Variants in PCDHA10 observed in about 807,000 individuals in gnomAD.
PCDHA10 encodes the protein protocadherin alpha-10.
A neutral mutation model predicts 61.2 loss-of-function variants in PCDHA10; 45 were observed. The observed-to-expected ratio is 0.74, with a 90% CI of 0.58 to 0.94. The LOEUF (loss-of-function observed/expected upper bound fraction) is 0.94, where lower values mean the gene tolerates loss of function less well. Among genes scored for constraint, PCDHA10 ranks in the 40% least tolerant of loss-of-function variants. PCDHA10 has a pLI of 0.00. For synonymous variants in PCDHA10, 602 were observed against 548.8 expected, an observed-to-expected ratio of 1.10 and a Z score of -1.35; for missense variants, 1,278 against 1,236.2, an observed-to-expected ratio of 1.03 and a Z score of -0.51.
At chr5:140,911,250 A>G (rs1165718759) in intron 1 of PCDHA10, among the ~76,000 whole-genome samples, 1 of 152,166 alleles carries the variant, frequency 6.6e-6, no homozygotes. Context: ...AAGTTTCATC[A>G]GAATTTATAA....
intron 1 of PCDHA10, among the ~76,000 whole-genome samples, chr5:140,899,629 G>T (rs2067446538): frequency 6.6e-6 from 1 of 152,116 alleles, no homozygotes; most frequent in African/African-American, 2.4e-5. Flanking sequence ...AAGGATATTG[G>T]TCTAAAATTC....
chr5:141,007,551 GA>G (rs1554261384), intron 3 of PCDHA10, among the ~76,000 whole-genome samples: 1 of 152,140 alleles, frequency 6.6e-6, no homozygotes, highest in African/African-American at 2.4e-5. Flanking sequence ...TTGGGCAACA[GA>G]GCAAGGCTCT....
intron 1 of PCDHA10, among the ~76,000 whole-genome samples, chr5:140,886,827 G>GA (rs782016620): frequency 0.032 from 1,958 of 60,672 alleles, 33 homozygotes; most frequent in African/African-American, 0.049. Context: ...ACTTCGTCTT[G>GA]AAAAAAAAAA....
chr5:140,876,478 G>A (rs782344970), intron 1 of PCDHA10: 1 of 1,614,032 alleles, frequency 6.2e-7, no homozygotes. Flanking sequence ...TCACAGCATG[G>A]TCCTGGTGGA....
chr5:140,871,712 A>G, intron 1 of PCDHA10: 1 of 805,086 alleles, frequency 1.2e-6, no homozygotes, highest in South Asian at 2.2e-5. Context: ...TAAATGTCCT[A>G]TTTCTCTTAA....
intron 1 of PCDHA10, among the ~76,000 whole-genome samples, chr5:140,897,779 G>T (rs1157810079): frequency 6.6e-6 from 1 of 152,138 alleles, no homozygotes; most frequent in Non-Finnish European, 1.5e-5. Flanking sequence ...CTTCCACAAT[G>T]GTTGAACTAG....
chr5:141,010,260 C>T lies in PCDHA10; in HGVS notation c.*323C>T, dbSNP rs906685521. The stretch of plus-strand genomic sequence containing the variant: ...GAGAGGTTGGACTCTCTGCCCTGTG[C>T]TCCGGGGATCCTGTCTTGATGACAC... On this transcript the variant is annotated 3_prime_UTR_variant, in exon 4 of 4. Transcript: ENST00000307360. 6.4e-7 allele frequency: 1 copy of T among 1,551,674 alleles called. No individual in the cohort carries two copies. The highest frequency in any genetic ancestry group is 1.4e-5 in the African/African-American group (1 of 73,028).
intron 3 of PCDHA10, among the ~76,000 whole-genome samples, chr5:140,988,079 G>A (rs1431334458): frequency 6.6e-6 from 1 of 152,188 alleles, no homozygotes; most frequent in Non-Finnish European, 1.5e-5. Flanking sequence ...TATTTCATGA[G>A]TGAGTGCAGC....
intron 1 of PCDHA10, among the ~76,000 whole-genome samples, chr5:140,977,783 T>TATATGA (rs1488853966): frequency 1.3e-5 from 2 of 152,252 alleles, no homozygotes; most frequent in African/African-American, 4.8e-5. Context: ...TTAAAGGAAC[T>TATATGA]ATATGAATGA....
chr5:140,870,149 T>G (rs2051707862), intron 1 of PCDHA10: 2 of 1,613,952 alleles, frequency 1.2e-6, no homozygotes, highest in Non-Finnish European at 8.5e-7. Context: ...TCTCCTGAAG[T>G]CGCCGTGACT....
chr5:140,857,885 G>A lies in PCDHA10; in HGVS notation c.1837G>A (p.Ala613Thr). Residue 613 changes from alanine to threonine, a missense_variant, in exon 1 of 4, where the codon GCG becomes ACG. Coordinates refer to ENST00000307360, the MANE Select transcript of PCDHA10 (RefSeq NM_018901.4). ...GTGGCTGTCGTATGAATTGCAGTCG[G>A]CGGCGGTTGGTGCACGCATCCCGTT... The part of the protein sequence containing the change: ...NAWLSYELQS[A>T]AVGARIPFRV... The A allele has an allele frequency of 6.3e-7, 1 of 1,597,988 alleles. No individual in the cohort carries two copies. Among genetic ancestry groups the A allele is most frequent in the Non-Finnish European group, 8.6e-7 (1 of 1,167,616 alleles).
rs369053351 is a variant in PCDHA10, at chr5:140,982,539, C to A, written c.2512C>A (p.Pro838Thr). ...AGPGGPDQQW[P>T]TVSSATPEPE... The stretch of plus-strand genomic sequence containing the variant: ...TCCAGGAGGGCCTGATCAGCAGTGG[C>A]CAACAGTATCCAGTGCAACACCAGG... Residue 838 changes from proline (P) to threonine (T), a missense_variant, in exon 3 of 4, where the codon CCA (proline) becomes ACA (threonine). By Grantham distance (38) the Pro-to-Thr change is conservative. Coordinates refer to ENST00000307360, the MANE Select transcript of PCDHA10 (RefSeq NM_018901.4). 29 of 1,614,008 alleles carry A rather than the reference C, an allele frequency of 1.8e-5. No individual in the cohort carries two copies. The highest frequency in any genetic ancestry group is 2.2e-5 in the Non-Finnish European group (26 of 1,180,032).
At chr5:140,877,177 C>A (rs1554169414) in intron 1 of PCDHA10, 1 of 1,613,802 alleles carries the variant, frequency 6.2e-7, no homozygotes. Context: ...GCTGGCGACT[C>A]CGGCTGGCAG....
chr5:140,857,331 A>G lies in PCDHA10; in HGVS notation c.1283A>G (p.Asp428Gly), dbSNP rs1554149861. 4 of 1,598,402 alleles carry G rather than the reference A, an allele frequency of 2.5e-6. No homozygotes were observed. Among genetic ancestry groups the G allele is most frequent in the African/African-American group, 1.3e-5 (1 of 74,458 alleles). Residue 428 changes from aspartate to glycine, a missense_variant, in exon 1 of 4, where the codon GAC (aspartate) becomes GGC (glycine). Asp to Gly is a moderately conservative substitution (Grantham distance 94). Coordinates refer to ENST00000307360, the MANE Select transcript of PCDHA10 (RefSeq NM_018901.4). ...TATGAGCTGGTGGTGACCGCGCGGG[A>G]CGGGGGCTCGCCTCCGCTGTGGGCC... ...SAYELVVTAR[D>G]GGSPPLWATA...
At chr5:140,877,656 C>G (rs782196097) in intron 1 of PCDHA10, 6 of 1,613,560 alleles carry the variant, frequency 3.7e-6, no homozygotes, top group Non-Finnish European at 5.1e-6. Flanking sequence ...CGCCGCCCAC[C>G]GTGAGCCGGT....
intron 1 of PCDHA10, chr5:140,882,198 G>C (rs964999330): frequency 2.0e-6 from 3 of 1,525,466 alleles, no homozygotes; most frequent in African/African-American, 2.8e-5. Context: ...ATAAAAATTG[G>C]GCCTTGAGAG....
chr5:140,857,128 AGAT>A lies in PCDHA10; in HGVS notation c.1082_1084del (p.Asp361del). 6.3e-7 allele frequency: 1 copy of A among 1,598,286 alleles called. No individual in the cohort carries two copies. The highest frequency in any genetic ancestry group is 1.1e-5 in the South Asian group (1 of 90,524). On this transcript the variant is annotated inframe_deletion, in exon 1 of 4. Coordinates refer to ENST00000307360, the MANE Select transcript of PCDHA10 (RefSeq NM_018901.4). ...CTTCTCTGTCTCTCCCAGTGAAAGA[AGAT>A]GCTCAAGTGGGCACCGTCATTGCCC...
chr5:140,856,597 C>T lies in PCDHA10; in HGVS notation c.549C>T (p.Asn183=). 6.3e-7 allele frequency: 1 copy of T among 1,597,412 alleles called. No homozygotes were observed. Among genetic ancestry groups the T allele is most frequent in the East Asian group, 2.2e-5 (1 of 44,848 alleles). The change falls in exon 1 of 4, where the codon AAC becomes AAT. Residue 183 remains asparagine, a synonymous_variant. Transcript: ENST00000307360. ...PNEYFVLDII[N]KKDKDKFPVL... is the part of the protein sequence containing the mutation. ...AGTATTTTGTTCTTGATATTATAAA[C>T]AAAAAAGACAAAGACAAATTCCCAG...
At chr5:140,967,219 C>A (rs782211026) in intron 1 of PCDHA10, 2 of 1,613,772 alleles carry the variant, frequency 1.2e-6, no homozygotes, top group East Asian at 2.2e-5. Context: ...TCCCGCGGCC[C>A]AACTACCAGC....
Sources: allele counts gnomAD v4.1 joint callset (sites outside exome capture counted in the v4.1 genomes callset), GRCh38; gene constraint gnomAD v4.1.1; transcripts MANE v1.5; gene names NCBI Gene and HGNC (gene_info 2026-07-23, HGNC 2026-07-21).